Variants in DNAH9 observed in about 807,000 individuals in gnomAD.
DNAH9 encodes the protein dynein axonemal heavy chain 9, also known as DNAH9 variant protein.
A neutral mutation model predicts 471.6 loss-of-function variants in DNAH9; 345 were observed. The ratio of observed to expected loss-of-function variants is 0.73; its 90% CI spans 0.67 to 0.80. The LOEUF is 0.80. DNAH9 is among the 30% of genes least tolerant of loss of function. DNAH9 has a pLI of 0.00. For synonymous variants in DNAH9, 2,093 were observed against 2,123.6 expected (o/e 0.99, Z 0.40); for missense variants, 5,407 against 5,609.2 (o/e 0.96, Z 1.15).
intron 6 of DNAH9, among the ~76,000 whole-genome samples, chr17:11,620,943 CATG>C (rs1366334627): frequency 5.9e-5 from 9 of 152,204 alleles, no homozygotes; most frequent in African/African-American, 1.7e-4. Context: ...GGTGAGAAGA[CATG>C]ATACTATTTC....
intron 49 of DNAH9, among the ~76,000 whole-genome samples, chr17:11,847,561 A>C (rs1971270005): frequency 1.3e-5 from 2 of 152,046 alleles, no homozygotes; most frequent in Non-Finnish European, 2.9e-5. Flanking sequence ...ATTCTGTTCC[A>C]TTGGTCTGGT....
intron 13 of DNAH9, 109 bp from the exon 14 acceptor site, chr17:11,652,652 A>G: frequency 9.5e-7 from 1 of 1,050,364 alleles, no homozygotes; most frequent in African/African-American, 1.6e-5. Flanking sequence ...CTGTGTAGAA[A>G]AGTCTTATAA....
chr17:11,906,839 G>T (rs1488256307), intron 61 of DNAH9, among the ~76,000 whole-genome samples: 2 of 151,932 alleles, frequency 1.3e-5, no homozygotes, highest in Non-Finnish European at 2.9e-5. Context: ...GCACAAAGAG[G>T]GGAAGAACAC....
rs150118541 is a variant in DNAH9 at position 11,931,938 on chromosome 17, G to A, written c.12106-76G>A. The A allele has an allele frequency of 4.6e-6, 7 of 1,527,016 alleles. No homozygotes were observed. In the African/African-American group the frequency reaches 6.8e-5, roughly 15 times the overall value. The allele number at this position is 1,527,016 out of a possible 1,614,324, so 94.6% of individuals were successfully genotyped here. On this transcript the variant is annotated intron_variant, in intron 63 of 68. Coordinates refer to ENST00000262442, the MANE Select transcript of DNAH9 (RefSeq NM_001372.4). ...GGTAATGTTTTCCAACACGAACCCT[G>A]ATTGTAACCTCACCCTAGCCAGCCC...
chr17:11,694,050 TC>T, intron 21 of DNAH9, 52 bp downstream of exon 21: 1 of 1,596,694 alleles, frequency 6.3e-7, no homozygotes, highest in Non-Finnish European at 8.5e-7. Flanking sequence ...CATTTCCTTT[TC>T]CCCATCGTCT....
In DNAH9 at chr17:11,794,314, G is replaced by A. The variant is rs545204394; in HGVS notation, c.8223+650G>A. Reference sequence around the variant, plus strand: ...CCTGACTTCGTGATCCACCCGCCTCGGCCTCCCAAAGTGCTGGGATTACAG... The same window carrying A: ...CCTGACTTCGTGATCCACCCGCCTCAGCCTCCCAAAGTGCTGGGATTACAG... On this transcript the variant is annotated intron_variant, in intron 42 of 68. Transcript: ENST00000262442. Among the ~76,000 whole-genome samples the A allele has an allele frequency of 2.7e-4, 41 of 152,138 alleles. No homozygotes were observed. In the South Asian group the frequency reaches 7.5e-3, roughly 28 times the overall value.
rs952914299 is a variant in DNAH9, at chr17:11,640,512, A to G, written c.1901+128A>G. ...ATCATCTTCCTTTCTTTCCATTTCC[A>G]GCAAGGGATTAGACACCTATTGGCA... On this transcript the variant is annotated intron_variant, in intron 10 of 68. Transcript: ENST00000262442. 10 of 747,092 alleles carry G rather than the reference A, an allele frequency of 1.3e-5. No homozygotes were observed. In the East Asian group the frequency reaches 2.3e-4, roughly 17 times the overall value. The allele number at this position is 747,092 out of a possible 1,614,324, so 46.3% of individuals were successfully genotyped here.
intron 28 of DNAH9, among the ~76,000 whole-genome samples, chr17:11,730,780 T>TGA (rs2075246313): frequency 8.1e-6 from 1 of 123,136 alleles, no homozygotes; most frequent in Non-Finnish European, 1.8e-5. Flanking sequence ...GATGATGATG[T>TGA]TAATGGTGAT....
At position 11,690,108 on chromosome 17, in the gene DNAH9, A is replaced by G. The variant is rs143838868; in HGVS notation, c.4286A>G (p.Lys1429Arg). 4.3e-6 allele frequency: 7 copies of G among 1,614,162 alleles called. No homozygotes were observed. The highest frequency in any genetic ancestry group is 5.9e-6 in the Non-Finnish European group (7 of 1,180,024). The change falls in exon 20 of 69, where the codon AAA (lysine) becomes AGA (arginine). Residue 1429 changes from lysine (K) to arginine (R), a missense_variant. Transcript: ENST00000262442. The part of the protein sequence containing the change: ...EVRGIVDKAA[K>R]EMGMEKTLKE... ...CGGGGCATTGTGGACAAAGCTGCAA[A>G]AGAGATGGGTATGGAGAAAACCTTA...
intron 65 of DNAH9, among the ~76,000 whole-genome samples, chr17:11,935,025 G>A (rs1974659920): frequency 6.6e-6 from 1 of 151,986 alleles, no homozygotes; most frequent in African/African-American, 2.4e-5. Flanking sequence ...ATACAGTGGT[G>A]CGATCTTGGC....
At chr17:11,912,640 A>G (rs1973827183) in intron 61 of DNAH9, among the ~76,000 whole-genome samples, 1 of 152,172 alleles carries the variant, frequency 6.6e-6, no homozygotes, top group Non-Finnish European at 1.5e-5. Flanking sequence ...CCAACCTTGC[A>G]TTCCTAGGAT....
At chr17:11,760,887 C>T (rs1246514815) in intron 35 of DNAH9, among the ~76,000 whole-genome samples, 1 of 152,226 alleles carries the variant, frequency 6.6e-6, no homozygotes, top group African/African-American at 2.4e-5. Context: ...CCCCTGGCAT[C>T]ATAGCCAGTT....
intron 22 of DNAH9, among the ~76,000 whole-genome samples, chr17:11,697,508 T>G (rs757140176): frequency 6.6e-6 from 1 of 152,244 alleles, no homozygotes; most frequent in Non-Finnish European, 1.5e-5. Flanking sequence ...TATACTTGTT[T>G]TGTTAATTTA....
At chr17:11,752,309 T>A (rs974774589) in intron 32 of DNAH9, among the ~76,000 whole-genome samples, 6 of 152,222 alleles carry the variant, frequency 3.9e-5, no homozygotes, top group Non-Finnish European at 8.8e-5. Context: ...CATGTCATAG[T>A]TACTTGCTGT....
chr17:11,613,264 C>G (rs926345926), intron 4 of DNAH9, among the ~76,000 whole-genome samples: 1 of 152,052 alleles, frequency 6.6e-6, no homozygotes, highest in Non-Finnish European at 1.5e-5. Flanking sequence ...ACAGGTGTCC[C>G]CAGAAGTGGT....
intron 45 of DNAH9, among the ~76,000 whole-genome samples, chr17:11,810,716 G>A (rs541260885): frequency 6.6e-6 from 1 of 152,232 alleles, no homozygotes; most frequent in East Asian, 1.9e-4. Context: ...AAACTAGAAT[G>A]TGTGTAGTAC....
intron 26 of DNAH9, chr17:11,705,394 C>T (rs752756458): frequency 3.1e-5 from 16 of 519,492 alleles, no homozygotes; most frequent in African/African-American, 9.5e-5. Context: ...ATCAATGAGC[C>T]GTGACTTTTT....
chr17:11,908,200 C>T (rs1973671057), intron 61 of DNAH9, among the ~76,000 whole-genome samples: 1 of 152,200 alleles, frequency 6.6e-6, no homozygotes, highest in Non-Finnish European at 1.5e-5. Flanking sequence ...GTATTTTCAT[C>T]TGAGTTTGGT....
chr17:11,770,253 T>G (rs55738127), intron 38 of DNAH9, among the ~76,000 whole-genome samples: 59,887 of 152,186 alleles, frequency 0.39, 16,063 homozygotes, highest in African/African-American at 0.77. Context: ...AGGCTTCGTG[T>G]GCACCACCAC....
Sources: gnomAD v4.1 joint callset for allele counts (sites outside exome capture counted in the v4.1 genomes callset) on GRCh38, gnomAD v4.1.1 for gene constraint, MANE v1.5 for transcripts, NCBI Gene and HGNC (gene_info 2026-07-23, HGNC 2026-07-21) for gene names.